The following NAV1 variants were observed in gnomAD, a reference collection of about 807,000 sequenced individuals.
NAV1 encodes neuron navigator 1, also known as pore membrane and/or filament interacting like protein 3.
A neutral mutation model predicts 175.2 loss-of-function variants in NAV1; 18 were observed. The observed-to-expected ratio is 0.10, with a 90% CI of 0.07 to 0.15. The LOEUF (loss-of-function observed/expected upper bound fraction) is 0.15. Among genes scored for constraint, NAV1 ranks in the 10% least tolerant of loss-of-function variants. NAV1 has a pLI of 1.00. For synonymous variants in NAV1, 897 were observed against 978.7 expected (o/e 0.92, Z 1.56); for missense variants, 1,731 against 2,436.6 (o/e 0.71, Z 6.10).
intron 1 of NAV1, among the ~76,000 whole-genome samples, chr1:201,652,948 T>C (rs1184438331): frequency 6.6e-6 from 1 of 152,216 alleles, no homozygotes; most frequent in East Asian, 1.9e-4. Flanking sequence ...AGAACACTTA[T>C]ATTCACCTAC....
At chr1:201,691,840 C>T (rs980058456) in intron 1 of NAV1, among the ~76,000 whole-genome samples, 1 of 152,216 alleles carries the variant, frequency 6.6e-6, no homozygotes, top group African/African-American at 2.4e-5. Flanking sequence ...CAACACAGCC[C>T]TCTAAGAAGT....
intron 13 of NAV1, 172 bp from the exon 18 acceptor site, chr1:201,793,620 A>C (rs1257514424): frequency 1.6e-6 from 1 of 610,058 alleles, no homozygotes; most frequent in Non-Finnish European, 2.9e-6. Context: ...AATTTCTTTG[A>C]TTTCCCCTTT....
At chr1:201,721,328 G>A (rs1270351305) in intron 3 of NAV1, among the ~76,000 whole-genome samples, 1 of 152,254 alleles carries the variant, frequency 6.6e-6, no homozygotes, top group Admixed American at 6.5e-5. Flanking sequence ...TGCTGGGACT[G>A]TAAACATGGC....
chr1:201,705,461 C>T (rs575440378), intron 1 of NAV1, among the ~76,000 whole-genome samples: 1 of 152,312 alleles, frequency 6.6e-6, no homozygotes, highest in East Asian at 1.9e-4. Context: ...GCGCTGGGCT[C>T]CAGTTCAGCC....
At chr1:201,795,486 G>A (rs1306198326) in intron 15 of NAV1, 2 of 151,926 alleles carry the variant, frequency 1.3e-5, no homozygotes, top group Non-Finnish European at 2.9e-5. Context: ...AATCTCTTAT[G>A]CTCTATTCAT....
chr1:201,811,616 A>G (rs1436284849), exon 25 of NAV1: 1 of 1,614,102 alleles, frequency 6.2e-7, no homozygotes. Flanking sequence ...CTGCAACTGT[A>G]TCTTTCCAAC....
intron 2 of NAV1, among the ~76,000 whole-genome samples, chr1:201,609,122 T>C (rs1667775662): frequency 6.6e-6 from 1 of 152,236 alleles, no homozygotes; most frequent in African/African-American, 2.4e-5. Context: ...TCCAGTGTTC[T>C]GACTCCTGGG....
intron 1 of NAV1, among the ~76,000 whole-genome samples, chr1:201,704,300 C>G (rs993186505): frequency 4.6e-5 from 7 of 152,196 alleles, no homozygotes; most frequent in Non-Finnish European, 1.0e-4. Context: ...CGGTGGCTCC[C>G]GAGCCTGAGC....
chr1:201,808,275 G>A lies in NAV1; in HGVS notation c.3845+126G>A, dbSNP rs1293846667. ...TACTGACCTCTCCCTGGGCATATGA[G>A]ACCAACAGATGGACCTTTCTTCTCA... On this transcript the variant is annotated intron_variant, in intron 18 of 29. Transcript: ENST00000367296. The surrounding 1 kb of genome is among the most constrained non-coding windows in gnomAD (Gnocchi z 5.5). 3.6e-6 allele frequency: 5 copies of A among 1,392,816 alleles called. No homozygotes were observed. Among genetic ancestry groups the A allele is most frequent in the African/African-American group, 1.4e-5 (1 of 69,576 alleles). 86.3% of individuals were successfully genotyped at this position (1,392,816 alleles called of 1,614,324 possible).
At chr1:201,728,793 C>T (rs1273651063) in intron 3 of NAV1, among the ~76,000 whole-genome samples, 1 of 152,066 alleles carries the variant, frequency 6.6e-6, no homozygotes, top group East Asian at 1.9e-4. Context: ...GTGGGCAGCA[C>T]CCCTCAGTCT....
At chr1:201,618,641 C>G (rs911729123), upstream of NAV1, among the ~76,000 whole-genome samples, 3 of 152,270 alleles carry the variant, frequency 2.0e-5, no homozygotes, top group East Asian at 5.8e-4. Flanking sequence ...CCTTGAGCCT[C>G]AGAGTCCTGT....
exon 30 of NAV1, chr1:201,821,505 GACACAC>G (rs57007517): frequency 0.016 from 2,253 of 144,644 alleles, 39 homozygotes; most frequent in African/African-American, 0.045. Flanking sequence ...GGTTAAAACA[GACACAC>G]ACACACACAC....
At chr1:201,722,231 A>G (rs571884066) in intron 3 of NAV1, among the ~76,000 whole-genome samples, 2 of 152,276 alleles carry the variant, frequency 1.3e-5, no homozygotes, top group East Asian at 3.9e-4. Context: ...CCAAAGAGAA[A>G]CTGTACCCAT....
At chr1:201,739,642 A>G in intron 3 of NAV1, 1 of 303,308 alleles carries the variant, frequency 3.3e-6, no homozygotes, top group Non-Finnish European at 5.1e-6. Flanking sequence ...TTAATTTCGG[A>G]GCAGCCCAGG....
chr1:201,685,325 C>T (rs1670643137), intron 1 of NAV1, among the ~76,000 whole-genome samples: 1 of 152,304 alleles, frequency 6.6e-6, no homozygotes, highest in South Asian at 2.1e-4. Flanking sequence ...GGCTGAGAAA[C>T]ACTGTAGCAA....
chr1:201,642,511 C>CTCTCTCTTTCTT (rs1553247034), intron 2 of NAV1, among the ~76,000 whole-genome samples: 2 of 45,552 alleles, frequency 4.4e-5, no homozygotes, highest in Non-Finnish European at 9.6e-5. Flanking sequence ...CGCACCCGGC[C>CTCTCTCTTTCTT]TCTTTCTTTC....
At chr1:201,818,542 A>AG (rs1411717796) in intron 29 of NAV1, among the ~76,000 whole-genome samples, 1 of 152,030 alleles carries the variant, frequency 6.6e-6, no homozygotes, top group Non-Finnish European at 1.5e-5. Context: ...AAAAAAAAAA[A>AG]AAGATATGAG....
intron 3 of NAV1, among the ~76,000 whole-genome samples, chr1:201,725,996 G>A (rs1383600566): frequency 6.6e-6 from 1 of 152,168 alleles, no homozygotes; most frequent in African/African-American, 2.4e-5. Context: ...AAATAGAAAG[G>A]TAGGGTACTT....
At chr1:201,743,226 C>T (rs919701771) in intron 3 of NAV1, among the ~76,000 whole-genome samples, 1 of 152,188 alleles carries the variant, frequency 6.6e-6, no homozygotes, top group Non-Finnish European at 1.5e-5. Flanking sequence ...ACTATTCTTA[C>T]CAATACCAGT....
Sources: allele counts gnomAD v4.1 joint callset (sites outside exome capture counted in the v4.1 genomes callset), GRCh38; gene constraint gnomAD v4.1.1; non-coding constraint Gnocchi (gnomAD v3.1); transcripts MANE v1.5; gene names NCBI Gene and HGNC (gene_info 2026-07-23, HGNC 2026-07-21).